FBXO11: variants seen among roughly 807,000 people sequenced by gnomAD.
The protein encoded by FBXO11 is F-box only protein 11.
In FBXO11, 13 loss-of-function variants were observed where a neutral mutation model predicts 117.0. The ratio of observed to expected loss-of-function variants is 0.11; its 90% CI spans 0.07 to 0.18. FBXO11 has a LOEUF of 0.18. Among genes scored for constraint, FBXO11 ranks in the 10% least tolerant of loss-of-function variants. The pLI is 1.00. For synonymous variants in FBXO11, 490 were observed against 380.5 expected (o/e 1.29, Z -3.35); for missense variants, 767 against 1,164.4 (o/e 0.66, Z 4.97).
At chr2:47,864,870 G>A (rs1429954239) in intron 1 of FBXO11, among the ~76,000 whole-genome samples, 1 of 152,022 alleles carries the variant, frequency 6.6e-6, no homozygotes, top group African/African-American at 2.4e-5. Context: ...TATTTGTTAT[G>A]TGAGACAAGA....
At chr2:47,839,856 T>G in intron 1 of FBXO11, 87 bp from the exon 2 acceptor site, 1 of 1,208,630 alleles carries the variant, frequency 8.3e-7, no homozygotes, top group Non-Finnish European at 1.1e-6. Flanking sequence ...AACTTCAAAT[T>G]CGGGAGGGAG....
rs377759361 is a variant in FBXO11, at chr2:47,862,740, C to T, written c.233-22971G>A. ...TATAACAAATCTAAGAACAATTAGC[C>T]CAAAGACTTACAGCAGCTTCAAAAA... is the stretch of plus-strand genomic sequence containing the variant. On this transcript the variant is annotated intron_variant, in intron 1 of 22. Coordinates refer to ENST00000403359, the MANE Select transcript of FBXO11 (RefSeq NM_001190274.2). Among the ~76,000 whole-genome samples the T allele has an allele frequency of 8.5e-5, 13 of 152,186 alleles. No individual in the cohort carries two copies. In the East Asian group the frequency reaches 2.3e-3, roughly 27 times the overall value.
chr2:47,860,036 G>A (rs1475972009), intron 1 of FBXO11, among the ~76,000 whole-genome samples: 3 of 152,064 alleles, frequency 2.0e-5, no homozygotes, highest in Admixed American at 1.3e-4. Context: ...CTGATAAACC[G>A]ATAAAATAAG....
chr2:47,888,985 T>C (rs1301406943), intron 1 of FBXO11, among the ~76,000 whole-genome samples: 1 of 152,200 alleles, frequency 6.6e-6, no homozygotes, highest in Non-Finnish European at 1.5e-5. Flanking sequence ...TAATGTAAAT[T>C]AGGTAATTAT....
At chr2:47,870,251 A>T (rs1675525812) in intron 1 of FBXO11, among the ~76,000 whole-genome samples, 1 of 152,090 alleles carries the variant, frequency 6.6e-6, no homozygotes, top group Non-Finnish European at 1.5e-5. Context: ...TTACCATCTC[A>T]TTCTGCTTCT....
chr2:47,890,981 ATTTT>A (rs545809805), intron 1 of FBXO11, among the ~76,000 whole-genome samples: 3 of 142,696 alleles, frequency 2.1e-5, no homozygotes, highest in Non-Finnish European at 4.6e-5. Context: ...CCATACCGGG[ATTTT>A]TTTTTTTTTA....
intron 10 of FBXO11, 31 bp from the exon 11 acceptor site, chr2:47,832,517 T>C: frequency 1.9e-6 from 3 of 1,609,740 alleles, no homozygotes; most frequent in Non-Finnish European, 1.7e-6. Context: ...CAAACATCAG[T>C]AGAGCTTTTA....
chr2:47,834,522 C>G (rs539367078), intron 7 of FBXO11, 57 bp downstream of exon 7: 12 of 1,324,924 alleles, frequency 9.1e-6, no homozygotes, highest in Middle Eastern at 2.8e-4. Flanking sequence ...TTTTTAAAAT[C>G]CTATCACATA....
intron 1 of FBXO11, among the ~76,000 whole-genome samples, chr2:47,851,849 C>T (rs907494388): frequency 6.6e-6 from 1 of 152,152 alleles, no homozygotes; most frequent in Admixed American, 6.6e-5. Context: ...TGGCTATATT[C>T]TTATAAGCAT....
At chr2:47,854,837 C>T (rs112500989) in intron 1 of FBXO11, among the ~76,000 whole-genome samples, 1 of 146,484 alleles carries the variant, frequency 6.8e-6, no homozygotes, top group Non-Finnish European at 1.5e-5. Flanking sequence ...GGTAAAACAA[C>T]TGATCTTTAT....
intron 1 of FBXO11, among the ~76,000 whole-genome samples, chr2:47,892,221 G>A (rs1677306991): frequency 6.6e-6 from 1 of 152,092 alleles, no homozygotes; most frequent in Non-Finnish European, 1.5e-5. Flanking sequence ...CCTCCCTGTA[G>A]ATTCCATATA....
intron 1 of FBXO11, among the ~76,000 whole-genome samples, chr2:47,878,007 CAT>C (rs974993530): frequency 7.9e-5 from 12 of 152,072 alleles, no homozygotes; most frequent in East Asian, 1.9e-4. Flanking sequence ...ATAATTGCTG[CAT>C]ATGTCTCCTC....
chr2:47,820,120 C>G (rs943573029), intron 14 of FBXO11, among the ~76,000 whole-genome samples: 9 of 152,160 alleles, frequency 5.9e-5, no homozygotes, highest in African/African-American at 2.2e-4. Flanking sequence ...AGGTGTTTCT[C>G]TTATGGCTAA....
rs1191109574 is a variant in FBXO11, at chr2:47,906,311, C to T, written c.-591G>A. On this transcript the variant is annotated 5_prime_UTR_variant, in exon 1 of 23. Coordinates refer to ENST00000403359, the MANE Select transcript of FBXO11 (RefSeq NM_001190274.2). Reference sequence around the variant, plus strand: ...TTTCTTCGGTCTCTTCTCTCTCCTCCCCCCCTTCTCTCCTCGGCGAAGGGG... The same window carrying T: ...TTTCTTCGGTCTCTTCTCTCTCCTCTCCCCCTTCTCTCCTCGGCGAAGGGG... 6.6e-6 allele frequency among the ~76,000 whole-genome samples: 1 copy of T among 152,122 alleles called. No homozygotes were observed. The highest frequency in any genetic ancestry group is 2.4e-5 in the African/African-American group (1 of 41,410).
At chr2:47,823,070 A>AT in intron 12 of FBXO11, 73 bp downstream of exon 12, 1 of 1,076,490 alleles carries the variant, frequency 9.3e-7, no homozygotes, top group Non-Finnish European at 1.3e-6. Flanking sequence ...CAAGAGTTAA[A>AT]GCTCAATATC....
Position 47,823,371 on chromosome 2 carries a change from C to T in FBXO11, c.1399-11G>A, listed in dbSNP as rs1041303056. The T allele has an allele frequency of 1.9e-6, 3 of 1,573,962 alleles. No homozygotes were observed. Among genetic ancestry groups the T allele is most frequent in the Non-Finnish European group, 2.6e-6 (3 of 1,156,516 alleles). The stretch of plus-strand genomic sequence containing the variant: ...ACTTTCAAAGTAACCCTGAAAAATA[C>T]AGAAATTAAATCTGTAGGTAAAGCC... On this transcript the variant is annotated splice_polypyrimidine_tract_variant and intron_variant, in intron 11 of 22. Transcript: ENST00000403359.
chr2:47,845,622 G>A (rs1001635719), intron 1 of FBXO11, among the ~76,000 whole-genome samples: 1 of 151,986 alleles, frequency 6.6e-6, no homozygotes, highest in African/African-American at 2.4e-5. Flanking sequence ...AATATATACC[G>A]TATATACCTT....
chr2:47,856,922 T>C (rs1336996437), intron 1 of FBXO11, among the ~76,000 whole-genome samples: 1 of 152,224 alleles, frequency 6.6e-6, no homozygotes, highest in African/African-American at 2.4e-5. Context: ...GCTTTAAGTA[T>C]ATGATTTAAA....
At chr2:47,870,742 G>C (rs1240595534) in intron 1 of FBXO11, among the ~76,000 whole-genome samples, 4 of 152,166 alleles carry the variant, frequency 2.6e-5, no homozygotes, top group Admixed American at 6.5e-5. Context: ...TGATATGGTA[G>C]CACTAGAAAA....
Sources: allele counts gnomAD v4.1 joint callset (sites outside exome capture counted in the v4.1 genomes callset), GRCh38; gene constraint gnomAD v4.1.1; transcripts MANE v1.5; gene names NCBI Gene and HGNC (gene_info 2026-07-23, HGNC 2026-07-21).